The following ARHGAP8 variants were observed in gnomAD, a reference collection of about 807,000 sequenced individuals.
The protein encoded by ARHGAP8 is rho GTPase-activating protein 8.
In ARHGAP8, 62 loss-of-function variants were observed where a neutral mutation model predicts 46.1. The ratio of observed to expected loss-of-function variants is 1.34; its 90% CI spans 1.10 to 1.66. ARHGAP8 has a LOEUF of 1.66. Ranked by LOEUF, ARHGAP8 falls within the 40% of genes most tolerant of loss-of-function variation. The pLI is 0.00. For missense variants in ARHGAP8, 923 were observed against 568.4 expected (o/e 1.62, Z -6.34); for synonymous variants, 375 against 243.1 (o/e 1.54, Z -5.05).
At chr22:44,776,773 T>C (rs1926455627) in intron 1 of ARHGAP8, among the ~76,000 whole-genome samples, 1 of 152,122 alleles carries the variant, frequency 6.6e-6, no homozygotes, top group Non-Finnish European at 1.5e-5. Flanking sequence ...TTAATGGCGC[T>C]GCGCACTGTA....
intron 10 of ARHGAP8, among the ~76,000 whole-genome samples, chr22:44,859,414 C>T (rs1221677926): frequency 2.6e-5 from 4 of 152,174 alleles, no homozygotes; most frequent in Non-Finnish European, 5.9e-5. Context: ...TTTTTGCCTT[C>T]TGCCATAATT....
rs553244759 is a variant in ARHGAP8, at chr22:44,860,768, T to C, written c.981+934T>C. ...AACCTGTGCAGCCAACAGGGGAAGG[T>C]TCAACACATCCACGTGGGTCCACCC... On this transcript the variant is annotated intron_variant, in intron 11 of 11. Transcript: ENST00000356099. Among the ~76,000 whole-genome samples, 38 of 152,036 alleles carry C rather than the reference T, an allele frequency of 2.5e-4. 1 individual carries two copies. The highest frequency in any genetic ancestry group is 8.7e-4 in the African/African-American group (36 of 41,480).
chr22:44,860,342 C>T (rs2070411570), intron 11 of ARHGAP8, among the ~76,000 whole-genome samples: 1 of 152,114 alleles, frequency 6.6e-6, no homozygotes, highest in African/African-American at 2.4e-5. Context: ...GGGCTGTGCT[C>T]CTTCCAGAGG....
rs186547149 is a variant in ARHGAP8 at position 44,758,146 on chromosome 22, T to G, written c.-72+5519T>G. ...TTAGCCTGGCTAAAGAGTAACCAGA[T>G]CTTTCTGTGAAGAGGCATCTGAGGC... On this transcript the variant is annotated intron_variant, in intron 1 of 11. Coordinates refer to ENST00000356099, the MANE Select transcript of ARHGAP8 (RefSeq NM_181335.3). Among the ~76,000 whole-genome samples the G allele has an allele frequency of 9.2e-5, 14 of 152,212 alleles. No homozygotes were observed. In the East Asian group the frequency reaches 2.5e-3, roughly 27 times the overall value.
At position 44,862,647 on chromosome 22, in the gene ARHGAP8, CTTGTATGTT is replaced by C; in HGVS notation, c.*58_*66del. On this transcript the variant is annotated 3_prime_UTR_variant, in exon 12 of 12. Transcript: ENST00000356099. The stretch of plus-strand genomic sequence containing the variant: ...GCTACCTCCCACACCTGTCTGTGCA[CTTGTATGTT>C]TTGTAAACTTGGCATCTGTAAAAAT... The C allele has an allele frequency of 1.3e-6, 2 of 1,503,650 alleles. No individual in the cohort carries two copies. The highest frequency in any genetic ancestry group is 1.8e-6 in the Non-Finnish European group (2 of 1,124,658). 93.1% of individuals were successfully genotyped at this position (1,503,650 alleles called of 1,614,324 possible).
intron 7 of ARHGAP8, among the ~76,000 whole-genome samples, chr22:44,828,713 A>T (rs1022453179): frequency 6.6e-6 from 1 of 151,364 alleles, no homozygotes; most frequent in Non-Finnish European, 1.5e-5. Context: ...TCGGCCTCCT[A>T]CTGGGATAAC....
intron 2 of ARHGAP8, among the ~76,000 whole-genome samples, chr22:44,790,256 G>A (rs985580676): frequency 6.6e-6 from 1 of 152,108 alleles, no homozygotes; most frequent in Admixed American, 6.6e-5. Flanking sequence ...GGAGGGCATG[G>A]ATTTGAGAGA....
chr22:44,780,638 G>A (rs1197037259), intron 1 of ARHGAP8, among the ~76,000 whole-genome samples: 1 of 152,180 alleles, frequency 6.6e-6, no homozygotes, highest in Admixed American at 6.5e-5. Flanking sequence ...CTCCAGCCTG[G>A]GCAACGGAGC....
At chr22:44,859,060 C>T (rs6006894) in intron 10 of ARHGAP8, among the ~76,000 whole-genome samples, 2,422 of 151,116 alleles carry the variant, frequency 0.016, 59 homozygotes, top group African/African-American at 0.046. Context: ...AGCCATGGGC[C>T]GTAGTTTGCC....
intron 1 of ARHGAP8, among the ~76,000 whole-genome samples, chr22:44,771,774 C>G (rs867608493): frequency 1.3e-5 from 2 of 151,754 alleles, no homozygotes; most frequent in African/African-American, 4.8e-5. Flanking sequence ...AGGCTGGTCT[C>G]GAACTCCTGA....
At position 44,760,492 on chromosome 22, in the gene ARHGAP8, C is replaced by T. The variant is rs1925048474; in HGVS notation, c.-72+7865C>T. Among the ~76,000 whole-genome samples the T allele has an allele frequency of 3.9e-5, 6 of 152,242 alleles. No individual in the cohort carries two copies. The South Asian group carries it at 1.0e-3, about 26-fold the overall frequency. The stretch of plus-strand genomic sequence containing the variant: ...CATCAAACTCATTGCCTCCTTCTCC[C>T]AAGAGCCCTTTATCAGAACACCCAG... On this transcript the variant is annotated intron_variant, in intron 1 of 11. Coordinates refer to ENST00000356099, the MANE Select transcript of ARHGAP8 (RefSeq NM_181335.3).
intron 1 of ARHGAP8, chr22:44,765,167 G>T (rs780962867): frequency 3.3e-5 from 5 of 152,344 alleles, no homozygotes; most frequent in Non-Finnish European, 7.3e-5. Context: ...CTGCACTGGG[G>T]TTTGCATGTG....
chr22:44,764,073 A>G (rs537960898), intron 1 of ARHGAP8, among the ~76,000 whole-genome samples: 1 of 152,122 alleles, frequency 6.6e-6, no homozygotes, highest in East Asian at 1.9e-4. Context: ...CGGCCTCCCA[A>G]AGTGCTGGGA....
intron 3 of ARHGAP8, among the ~76,000 whole-genome samples, chr22:44,804,206 T>C (rs2147084633): frequency 6.6e-6 from 1 of 152,306 alleles, no homozygotes. Flanking sequence ...GGGCGCCCTG[T>C]CATCCTCTTT....
chr22:44,793,371 C>T (rs890204120), intron 2 of ARHGAP8, among the ~76,000 whole-genome samples: 4 of 152,108 alleles, frequency 2.6e-5, no homozygotes, highest in Non-Finnish European at 4.4e-5. Context: ...GAGAAGTCCA[C>T]GCCGGACCTG....
chr22:44,861,823 C>T (rs987145042), intron 11 of ARHGAP8, among the ~76,000 whole-genome samples: 4 of 152,140 alleles, frequency 2.6e-5, no homozygotes, highest in Admixed American at 6.5e-5. Flanking sequence ...ACAAGGAGCC[C>T]CTTCTAGCAG....
intron 6 of ARHGAP8, among the ~76,000 whole-genome samples, chr22:44,822,989 C>T (rs530035185): frequency 5.9e-5 from 9 of 152,350 alleles, no homozygotes; most frequent in South Asian, 4.1e-4. Flanking sequence ...GTACAGGGCG[C>T]GGCCAGATCC....
At chr22:44,775,811 C>G (rs1423053744) in intron 1 of ARHGAP8, among the ~76,000 whole-genome samples, 2 of 152,178 alleles carry the variant, frequency 1.3e-5, no homozygotes, top group Non-Finnish European at 2.9e-5. Flanking sequence ...AATCGTATCT[C>G]ATTTTTAATC....
intron 4 of ARHGAP8, among the ~76,000 whole-genome samples, chr22:44,814,125 C>G (rs1929563890): frequency 6.6e-6 from 1 of 152,168 alleles, no homozygotes; most frequent in African/African-American, 2.4e-5. Context: ...CTGAAATATT[C>G]AAGAAGGAAG....
Sources: allele counts gnomAD v4.1 joint callset (sites outside exome capture counted in the v4.1 genomes callset), GRCh38; gene constraint gnomAD v4.1.1; transcripts MANE v1.5; gene names NCBI Gene and HGNC (gene_info 2026-07-23, HGNC 2026-07-21).